LRRIQ3: variants seen among roughly 807,000 people sequenced by gnomAD.
The protein encoded by LRRIQ3 is leucine-rich repeat and IQ domain-containing protein 3.
LRRIQ3 carries 75 observed loss-of-function variants against 59.3 expected under a neutral mutation model. The observed-to-expected ratio is 1.26, with a 90% CI of 1.05 to 1.53. The LOEUF is 1.53. Ranked by LOEUF, LRRIQ3 falls within the 40% of genes most tolerant of loss-of-function variation. The pLI, the probability that LRRIQ3 is intolerant of heterozygous loss-of-function variation, is 0.00. For missense variants in LRRIQ3, 831 were observed against 710.0 expected (o/e 1.17, Z -1.94); for synonymous variants, 250 against 231.3 (o/e 1.08, Z -0.73).
At chr1:74,093,138 G>A (rs1646412433) in intron 5 of LRRIQ3, among the ~76,000 whole-genome samples, 2 of 151,120 alleles carry the variant, frequency 1.3e-5, no homozygotes, top group South Asian at 4.2e-4. Context: ...AAAAAAAAAA[G>A]TCTGTCCTAA....
intron 5 of LRRIQ3, among the ~76,000 whole-genome samples, chr1:74,077,480 T>A (rs1646222692): frequency 6.6e-6 from 1 of 151,818 alleles, no homozygotes; most frequent in Admixed American, 6.6e-5. Flanking sequence ...TCTGTCAAAT[T>A]TGAGATATCC....
At chr1:74,118,591 T>C (rs552343305) in intron 4 of LRRIQ3, among the ~76,000 whole-genome samples, 2 of 152,070 alleles carry the variant, frequency 1.3e-5, no homozygotes, top group African/African-American at 4.8e-5. Context: ...ACACACATTT[T>C]ATTTTTGTAG....
At chr1:74,153,311 G>A (rs1298027061) in intron 4 of LRRIQ3, among the ~76,000 whole-genome samples, 2 of 152,078 alleles carry the variant, frequency 1.3e-5, no homozygotes, top group African/African-American at 2.4e-5. Context: ...TATAAATTTT[G>A]GCCATATATA....
At chr1:74,096,278 A>G (rs1342388356) in intron 5 of LRRIQ3, among the ~76,000 whole-genome samples, 10 of 152,142 alleles carry the variant, frequency 6.6e-5, no homozygotes, top group Non-Finnish European at 1.2e-4. Context: ...AAAGGAAAAT[A>G]CTGTTTTAGT....
intron 4 of LRRIQ3, among the ~76,000 whole-genome samples, chr1:74,145,867 G>A (rs1483176659): frequency 6.6e-6 from 1 of 151,950 alleles, no homozygotes; most frequent in Non-Finnish European, 1.5e-5. Flanking sequence ...AGTTAATAAA[G>A]ACAAGTGTAC....
At chr1:74,193,495 G>GT (rs1557664683) in intron 1 of LRRIQ3, among the ~76,000 whole-genome samples, 1 of 151,948 alleles carries the variant, frequency 6.6e-6, no homozygotes, top group East Asian at 1.9e-4. Flanking sequence ...CACATTAAGT[G>GT]TAACTATACA....
chr1:74,029,992 C>A (rs1212205628), intron 7 of LRRIQ3, among the ~76,000 whole-genome samples: 1 of 151,648 alleles, frequency 6.6e-6, no homozygotes, highest in Non-Finnish European at 1.5e-5. Flanking sequence ...GCTCAGAGAG[C>A]CAAATCATGA....
intron 1 of LRRIQ3, among the ~76,000 whole-genome samples, chr1:74,184,001 GACAACTA>G (rs1405167964): frequency 6.6e-6 from 1 of 151,800 alleles, no homozygotes; most frequent in Non-Finnish European, 1.5e-5. Context: ...TTCTAGACAA[GACAACTA>G]ACAACAAACA....
chr1:74,087,391 T>C (rs1646339162), intron 5 of LRRIQ3, among the ~76,000 whole-genome samples: 2 of 144,864 alleles, frequency 1.4e-5, no homozygotes, highest in South Asian at 4.3e-4. Context: ...CTTTTTTTTT[T>C]TTTTTTTTTT....
chr1:74,182,876 A>C lies in LRRIQ3; in HGVS notation c.250-15T>G. On this transcript the variant is annotated splice_polypyrimidine_tract_variant and intron_variant, in intron 2 of 7. Transcript: ENST00000354431. ...AGACTCTTTATCTGAAATATTATTA[A>C]AAATCTTTTAAATTCCAAAATTACT... The C allele has an allele frequency of 7.5e-7, 1 of 1,332,446 alleles. No individual in the cohort carries two copies. The highest frequency in any genetic ancestry group is 9.9e-7 in the Non-Finnish European group (1 of 1,005,114). 82.5% of individuals were successfully genotyped at this position (1,332,446 alleles called of 1,614,324 possible).
chr1:74,153,825 G>T (rs1648135388), intron 4 of LRRIQ3, among the ~76,000 whole-genome samples: 1 of 152,100 alleles, frequency 6.6e-6, no homozygotes, highest in African/African-American at 2.4e-5. Context: ...TGAATAAAAT[G>T]ATTAAATTTG....
Position 74,183,564 on chromosome 1 carries a change from T to G in LRRIQ3, c.121A>C (p.Lys41Gln), listed in dbSNP as rs749163590. 2 of 1,612,088 alleles carry G rather than the reference T, an allele frequency of 1.2e-6. No individual in the cohort carries two copies. Among genetic ancestry groups the G allele is most frequent in the Non-Finnish European group, 1.7e-6 (2 of 1,178,864 alleles). Reference protein sequence around the residue: ...VFVKFNGLHLKSMENLQSCIS... With the variant: ...VFVKFNGLHLQSMENLQSCIS... Reference sequence around the variant, plus strand: ...CAAGACTGCAAATTTTCCATAGACTTTAAATGAAGGCCATTGAACTTCACA... The same window carrying G: ...CAAGACTGCAAATTTTCCATAGACTGTAAATGAAGGCCATTGAACTTCACA... Residue 41 changes from lysine to glutamine, a missense_variant, in exon 2 of 8, where the codon AAG becomes CAG. Transcript: ENST00000354431.
rs528383795 is a variant in LRRIQ3 at position 74,075,563 on chromosome 1, T to C, written c.868-773A>G. On this transcript the variant is annotated intron_variant, in intron 5 of 7. Transcript: ENST00000354431. ...GCCTGGGCAACAGAGCGAGACTCCG[T>C]CTCAGAAAAAAAAAAAAAGAAAAGA... 8.7e-5 allele frequency among the ~76,000 whole-genome samples: 13 copies of C among 148,964 alleles called. No homozygotes were observed. In the East Asian group the frequency reaches 2.4e-3, roughly 27 times the overall value.
intron 1 of LRRIQ3, among the ~76,000 whole-genome samples, chr1:74,185,598 C>T (rs1650312376): frequency 6.6e-6 from 1 of 151,986 alleles, no homozygotes; most frequent in South Asian, 2.1e-4. Flanking sequence ...CTGTGGCTTG[C>T]CTTTTCATTT....
At position 74,198,017 on chromosome 1, in the gene LRRIQ3, C is replaced by T. The variant is rs189356677; in HGVS notation, c.-22G>A. On this transcript the variant is annotated 5_prime_UTR_variant, in exon 1 of 8. Transcript: ENST00000354431. ...TCACCGGGTCAACTGGGCTGCAAGCCCTTATGAGTTGGAGACAAGTGGCCC... is the reference window on the plus strand; with the variant it reads ...TCACCGGGTCAACTGGGCTGCAAGCTCTTATGAGTTGGAGACAAGTGGCCC... 20 of 621,432 alleles carry T rather than the reference C, an allele frequency of 3.2e-5. No individual in the cohort carries two copies. In the Admixed American group the frequency reaches 6.3e-4, roughly 19 times the overall value. 38.5% of individuals were successfully genotyped at this position (621,432 alleles called of 1,614,324 possible).
In LRRIQ3 at chr1:74,169,695, G is replaced by A. The variant is rs530156200; in HGVS notation, c.573+12843C>T. On this transcript the variant is annotated intron_variant, in intron 3 of 7. Coordinates refer to ENST00000354431, the MANE Select transcript of LRRIQ3 (RefSeq NM_001105659.2). The stretch of plus-strand genomic sequence containing the variant: ...GCCTCCCAAATAGCTGAGACTACAA[G>A]TGCACGCCACACCTGGTTAATTTCT... Among the ~76,000 whole-genome samples, 65 of 152,102 alleles carry A rather than the reference G, an allele frequency of 4.3e-4. 1 individual carries two copies. The South Asian group carries it at 0.013, about 31-fold the overall frequency.
intron 4 of LRRIQ3, among the ~76,000 whole-genome samples, chr1:74,154,807 A>G (rs568673731): frequency 6.6e-6 from 1 of 152,308 alleles, no homozygotes; most frequent in African/African-American, 2.4e-5. Flanking sequence ...CTTGTCTCCA[A>G]TGTGAGATTA....
At chr1:74,043,356 G>T (rs1654105148) in intron 6 of LRRIQ3, among the ~76,000 whole-genome samples, 1 of 152,062 alleles carries the variant, frequency 6.6e-6, no homozygotes, top group Non-Finnish European at 1.5e-5. Flanking sequence ...GAAGTTAAGT[G>T]AACTATGAAG....
intron 3 of LRRIQ3, among the ~76,000 whole-genome samples, chr1:74,167,929 C>T (rs889670951): frequency 1.8e-4 from 28 of 151,998 alleles, no homozygotes; most frequent in African/African-American, 6.5e-4. Context: ...TCAGATAGCA[C>T]ACCCTGTATG....
Sources: gnomAD v4.1 joint callset for allele counts (sites outside exome capture counted in the v4.1 genomes callset) on GRCh38, gnomAD v4.1.1 for gene constraint, MANE v1.5 for transcripts, NCBI Gene and HGNC (gene_info 2026-07-23, HGNC 2026-07-21) for gene names.